The following IKBKE variants were observed in gnomAD, a reference collection of about 807,000 sequenced individuals.
IKBKE encodes inhibitor of nuclear factor kappa B kinase subunit epsilon.
A neutral mutation model predicts 92.1 loss-of-function variants in IKBKE; 45 were observed. That is an observed-to-expected ratio of 0.49 (90% CI 0.38 to 0.63). The LOEUF (loss-of-function observed/expected upper bound fraction) is 0.63. Among genes scored for constraint, IKBKE ranks in the 20% least tolerant of loss-of-function variants. The probability of loss-of-function intolerance (pLI) is 0.00; values close to 1 mark genes in which losing one functional copy is unlikely to be tolerated. For synonymous variants in IKBKE, 374 were observed against 380.3 expected, an observed-to-expected ratio of 0.98 and a Z score of 0.19; for missense variants, 700 against 932.8, an observed-to-expected ratio of 0.75 and a Z score of 3.25.
At chr1:206,494,532 G>C (rs1385304844) in intron 21 of IKBKE, among the ~76,000 whole-genome samples, 1 of 151,690 alleles carries the variant, frequency 6.6e-6, no homozygotes, top group East Asian at 1.9e-4. Context: ...AGGTTGGTGT[G>C]GGAACGCAAC....
At chr1:206,488,643 T>C (rs1665786062) in intron 16 of IKBKE, among the ~76,000 whole-genome samples, 2 of 152,092 alleles carry the variant, frequency 1.3e-5, no homozygotes, top group South Asian at 4.1e-4. Context: ...CTCCTCAGGT[T>C]GGGGAACTAA....
At chr1:206,494,592 C>CTTTTT (rs58971788) in intron 21 of IKBKE, among the ~76,000 whole-genome samples, 1,366 of 63,980 alleles carry the variant, frequency 0.021, 56 homozygotes, top group Non-Finnish European at 0.031. Flanking sequence ...AAAGTTCTTT[C>CTTTTT]TTTTTTTTTT....
Position 206,475,013 on chromosome 1 carries a change from C to CT in IKBKE, c.358+20dup, listed in dbSNP as rs1436610741. 1 of 1,613,242 alleles carries CT rather than the reference C, an allele frequency of 6.2e-7. No individual in the cohort carries two copies. Among genetic ancestry groups the CT allele is most frequent in the Non-Finnish European group, 8.5e-7 (1 of 1,179,746 alleles). On this transcript the variant is annotated intron_variant, in intron 5 of 21. Coordinates refer to ENST00000581977, the MANE Select transcript of IKBKE (RefSeq NM_014002.4). ...TGTGTGGGTGAGCCCCTCCCTGTCCCTGCCTCCACCCTCAGACCAGCGGCA... is the reference window on the plus strand; with the variant it reads ...TGTGTGGGTGAGCCCCTCCCTGTCCCTTGCCTCCACCCTCAGACCAGCGGCA...
intron 3 of IKBKE, among the ~76,000 whole-genome samples, chr1:206,474,020 C>T (rs529829023): frequency 6.6e-6 from 1 of 151,412 alleles, no homozygotes; most frequent in African/African-American, 2.4e-5. Context: ...CCAATCCCTT[C>T]CCTGCTGCTA....
Position 206,496,276 on chromosome 1 carries a change from A to G in IKBKE, c.*131A>G, listed in dbSNP as rs1373202789. ...CCTACCTCCCTCCTGGCTGCTGGCC[A>G]GGATGTCGCCAGCATTACCTTCCAC... is the stretch of plus-strand genomic sequence containing the variant. On this transcript the variant is annotated 3_prime_UTR_variant, in exon 22 of 22. Transcript: ENST00000581977. 2.6e-6 allele frequency: 2 copies of G among 768,742 alleles called. No individual in the cohort carries two copies. Among genetic ancestry groups the G allele is most frequent in the Non-Finnish European group, 4.6e-6 (2 of 436,086 alleles). 47.6% of individuals were successfully genotyped at this position (768,742 alleles called of 1,614,324 possible).
chr1:206,475,746 A>AT (rs1665029955), intron 5 of IKBKE, among the ~76,000 whole-genome samples: 1 of 151,980 alleles, frequency 6.6e-6, no homozygotes, highest in East Asian at 1.9e-4. Flanking sequence ...CCAAAAAAAA[A>AT]AAAAAAATTG....
chr1:206,477,678 T>C, intron 7 of IKBKE, 71 bp from the exon 8 acceptor site: 1 of 902,382 alleles, frequency 1.1e-6, no homozygotes, highest in Non-Finnish European at 1.7e-6. Flanking sequence ...CCGAGCCCTT[T>C]GTGCTGAGTG....
At position 206,478,872 on chromosome 1, in the gene IKBKE, A is replaced by G. The variant is rs2103460616; in HGVS notation, c.993-71A>G. ...TATGGGCAACGCTTAGCTGGGGCTT[A>G]GGTCACCCTAGCCCCCTGCCTTGCC... On this transcript the variant is annotated intron_variant, in intron 9 of 21. Transcript: ENST00000581977. The surrounding 1 kb of genome is among the most constrained non-coding windows in gnomAD (Gnocchi z 4.8). The G allele has an allele frequency of 8.6e-7, 1 of 1,161,374 alleles. No individual in the cohort carries two copies. The highest frequency in any genetic ancestry group is 1.3e-6 in the Non-Finnish European group (1 of 768,936). The allele number at this position is 1,161,374 out of a possible 1,614,324, so 71.9% of individuals were successfully genotyped here.
rs1209649052 is a variant in IKBKE at position 206,490,826 on chromosome 1, C to G, written c.1701C>G (p.Gly567=). 5.0e-6 allele frequency: 8 copies of G among 1,614,038 alleles called. No homozygotes were observed. The highest frequency in any genetic ancestry group is 6.8e-6 in the Non-Finnish European group (8 of 1,180,016). Reference sequence around the variant, plus strand: ...TCTGTCTGTTTCCTCCAGGGCTTGGCTACAACGAGGAGCAGATTCACAAGC... The same window carrying G: ...TCTGTCTGTTTCCTCCAGGGCTTGGGTACAACGAGGAGCAGATTCACAAGC... ...FKKSRMRPGL[G]YNEEQIHKLD... is the part of the protein sequence containing the mutation. Residue 567 remains glycine, a synonymous_variant, in exon 17 of 22, where the codon GGC becomes GGG. Transcript: ENST00000581977. The surrounding 1 kb of genome is among the most constrained non-coding windows in gnomAD (Gnocchi z 5.2).
intron 16 of IKBKE, among the ~76,000 whole-genome samples, chr1:206,488,521 G>A (rs1049826229): frequency 7.9e-5 from 12 of 152,070 alleles, no homozygotes; most frequent in South Asian, 4.1e-4. Flanking sequence ...TTACAGGCTC[G>A]GGGGTGGGAA....
chr1:206,484,991 C>T lies in IKBKE; in HGVS notation c.1428-6C>T, dbSNP rs373486848. The T allele has an allele frequency of 2.2e-5, 36 of 1,613,358 alleles. No individual in the cohort carries two copies. Among genetic ancestry groups the T allele is most frequent in the South Asian group, 1.8e-4 (16 of 90,986 alleles). ...AAATGTGGCCTTTCTCTTTGCTTCCCTCAAGGTTCAGCAGCGTGGCTGGAA... is the reference window on the plus strand; with the variant it reads ...AAATGTGGCCTTTCTCTTTGCTTCCTTCAAGGTTCAGCAGCGTGGCTGGAA... On this transcript the variant is annotated splice_region_variant and splice_polypyrimidine_tract_variant and intron_variant, in intron 13 of 21. Coordinates refer to ENST00000581977, the MANE Select transcript of IKBKE (RefSeq NM_014002.4).
chr1:206,477,742 C>T lies in IKBKE; in HGVS notation c.702-7C>T. 2 of 1,539,828 alleles carry T rather than the reference C, an allele frequency of 1.3e-6. No homozygotes were observed. The highest frequency in any genetic ancestry group is 2.7e-5 in the African/African-American group (2 of 73,000). On this transcript the variant is annotated splice_region_variant and splice_polypyrimidine_tract_variant and intron_variant, in intron 7 of 21. Transcript: ENST00000581977. Reference sequence around the variant, plus strand: ...GGATCCCGCTGACCTGGCCTTCCTCCCCGCAGGTACCGGATCACCACGGAG... The same window carrying T: ...GGATCCCGCTGACCTGGCCTTCCTCTCCGCAGGTACCGGATCACCACGGAG...
Position 206,478,103 on chromosome 1 carries a change from TA to T in IKBKE, c.813-55del. The stretch of plus-strand genomic sequence containing the variant: ...TCTTAGAACGCTCCTATTGCCTGCT[TA>T]AGGAGGATAGGTCTGGGCCCCCACC... On this transcript the variant is annotated intron_variant, in intron 8 of 21. Coordinates refer to ENST00000581977, the MANE Select transcript of IKBKE (RefSeq NM_014002.4). This position sits in a 1 kb window ranked among gnomAD's most constrained non-coding sequence, Gnocchi z 4.8. 1 of 1,482,288 alleles carries T rather than the reference TA, an allele frequency of 6.7e-7. No individual in the cohort carries two copies. Among genetic ancestry groups the T allele is most frequent in the Non-Finnish European group, 9.3e-7 (1 of 1,073,040 alleles). 91.8% of individuals were successfully genotyped at this position (1,482,288 alleles called of 1,614,324 possible).
At chr1:206,484,074 G>T (rs1299168388) in intron 13 of IKBKE, among the ~76,000 whole-genome samples, 2 of 141,740 alleles carry the variant, frequency 1.4e-5, no homozygotes, top group African/African-American at 5.1e-5. Context: ...ACCGGTGTGA[G>T]CCACCATGCC....
At chr1:206,472,574 C>A (rs902036612) in intron 2 of IKBKE, among the ~76,000 whole-genome samples, 9 of 130,788 alleles carry the variant, frequency 6.9e-5, no homozygotes, top group Non-Finnish European at 1.4e-4. Context: ...CACACATACA[C>A]ACACACACAC....
chr1:206,494,901 G>C (rs1049322774), intron 21 of IKBKE, among the ~76,000 whole-genome samples: 2 of 150,312 alleles, frequency 1.3e-5, no homozygotes, highest in Non-Finnish European at 2.9e-5. Context: ...ACTGCGCCCG[G>C]CTACGTACCA....
intron 13 of IKBKE, 133 bp downstream of exon 13, chr1:206,480,666 G>C (rs936218742): frequency 2.6e-5 from 18 of 701,384 alleles, no homozygotes; most frequent in Non-Finnish European, 4.6e-5. Flanking sequence ...CTAGAATAGA[G>C]GGCACCCGCA....
chr1:206,496,018 A>T, intron 21 of IKBKE, 94 bp from the exon 22 acceptor site: 1 of 915,978 alleles, frequency 1.1e-6, no homozygotes, highest in Non-Finnish European at 1.8e-6. Context: ...TGAATGGCTC[A>T]GTGTTCTTGA....
intron 18 of IKBKE, chr1:206,492,399 T>C (rs1553390650): frequency 2.1e-6 from 1 of 466,764 alleles, no homozygotes; most frequent in Admixed American, 2.4e-5. Context: ...CACCTTGTTA[T>C]GGGGCTGAGA....
Sources: gnomAD v4.1 joint callset for allele counts (sites outside exome capture counted in the v4.1 genomes callset) on GRCh38, gnomAD v4.1.1 for gene constraint, Gnocchi (gnomAD v3.1) non-coding constraint, MANE v1.5 for transcripts, NCBI Gene and HGNC (gene_info 2026-07-23, HGNC 2026-07-21) for gene names.